Variants in ADCY1 observed in about 807,000 individuals in gnomAD.
ADCY1 encodes the protein adenylate cyclase type 1.
Under a neutral mutation model 105.4 loss-of-function variants are expected in ADCY1, and 28 were observed. The observed-to-expected ratio is 0.27, with a 90% CI of 0.20 to 0.36. The LOEUF (loss-of-function observed/expected upper bound fraction) is 0.36, where lower values mean the gene tolerates loss of function less well. Ranked by LOEUF, ADCY1 falls within the 10% of genes least tolerant of loss-of-function variation. The pLI is 1.00. For synonymous variants in ADCY1, 655 were observed against 623.8 expected, an observed-to-expected ratio of 1.05 and a Z score of -0.75; for missense variants, 977 against 1,434.2, an observed-to-expected ratio of 0.68 and a Z score of 5.15.
intron 3 of ADCY1, among the ~76,000 whole-genome samples, chr7:45,610,740 GGAGGTGATGATGGAGGTGTA>G (rs1793521031): frequency 5.3e-5 from 1 of 19,026 alleles, no homozygotes; most frequent in African/African-American, 1.7e-4. Flanking sequence ...GTGGAGGTGG[GGAGGTGATGATGGAGGTGTA>G]GAGGTGATAG....
intron 3 of ADCY1, among the ~76,000 whole-genome samples, chr7:45,613,278 AC>A (rs1277562091): frequency 6.6e-6 from 1 of 152,200 alleles, no homozygotes; most frequent in African/African-American, 2.4e-5. Flanking sequence ...GCTGAAGACC[AC>A]AATTACTGAA....
intron 4 of ADCY1, among the ~76,000 whole-genome samples, chr7:45,630,874 T>C (rs1330417693): frequency 2.0e-5 from 3 of 152,210 alleles, no homozygotes; most frequent in Admixed American, 2.0e-4. Flanking sequence ...TCCAGAAATT[T>C]GACTGTGGGT....
intron 8 of ADCY1, among the ~76,000 whole-genome samples, chr7:45,663,982 T>C (rs1010035416): frequency 2.7e-5 from 4 of 150,492 alleles, no homozygotes; most frequent in Non-Finnish European, 5.9e-5. Context: ...AGGAGGGGAG[T>C]GAGGGTCAGT....
rs1050383284 is a variant in ADCY1, at chr7:45,703,454, G to A, written c.2533G>A (p.Val845Ile). 3 of 1,614,098 alleles carry A rather than the reference G, an allele frequency of 1.9e-6. No individual in the cohort carries two copies. Among genetic ancestry groups the A allele is most frequent in the South Asian group, 1.1e-5 (1 of 91,080 alleles). Reference protein sequence around the residue: ...RILFNLLPAHVAQHFLMSNPR... With the variant: ...RILFNLLPAHIAQHFLMSNPR... Reference sequence around the variant, plus strand: ...CCTCTTCAACCTCCTGCCGGCCCACGTCGCCCAGCACTTCCTCATGTCCAA... The same window carrying A: ...CCTCTTCAACCTCCTGCCGGCCCACATCGCCCAGCACTTCCTCATGTCCAA... Residue 845 changes from valine (V) to isoleucine (I), a missense_variant, in exon 15 of 20, where the codon GTC becomes ATC. This residue lies in a region of ADCY1 where 152 missense variants were observed against 293.7 expected (regional missense o/e 0.52). Coordinates refer to ENST00000297323, the MANE Select transcript of ADCY1 (RefSeq NM_021116.4). This position sits in a 1 kb window ranked among gnomAD's most constrained non-coding sequence, Gnocchi z 5.9.
chr7:45,713,946 A>G lies in ADCY1; in HGVS notation c.3311A>G (p.His1104Arg). The G allele has an allele frequency of 1.3e-6, 1 of 779,994 alleles. No individual in the cohort carries two copies. Among genetic ancestry groups the G allele is most frequent in the Non-Finnish European group, 2.4e-6 (1 of 418,022 alleles). 48.3% of individuals were successfully genotyped at this position (779,994 alleles called of 1,614,324 possible). A position where few individuals can be genotyped will look rare whatever the true frequency, so the allele number is the denominator to read the frequency against. Residue 1104 changes from histidine (H) to arginine (R), a missense_variant, in exon 20 of 20, where the codon CAC (histidine) becomes CGC (arginine). Coordinates refer to ENST00000297323, the MANE Select transcript of ADCY1 (RefSeq NM_021116.4). The stretch of plus-strand genomic sequence containing the variant: ...TCAGTCAGGGCTGGGCTCCCTCCAC[A>G]CTCCCCAGGCCAGTACCTGCCCTCT... ...GVSVRAGLPP[H>R]SPGQYLPSAA...
At chr7:45,692,332 G>A (rs1784799543) in intron 14 of ADCY1, among the ~76,000 whole-genome samples, 1 of 152,210 alleles carries the variant, frequency 6.6e-6, no homozygotes. Context: ...CTAATCCTGT[G>A]CTGGGGACGC....
Position 45,574,432 on chromosome 7 carries a change from C to CCCCGGCGCCTCGCCG in ADCY1, c.-107_-93dup, listed in dbSNP as rs1317501959. 1.3e-4 allele frequency: 19 copies of CCCCGGCGCCTCGCCG among 147,598 alleles called. No homozygotes were observed. The highest frequency in any genetic ancestry group is 4.5e-4 in the African/African-American group (18 of 40,392). 9.1% of individuals were successfully genotyped at this position (147,598 alleles called of 1,614,324 possible). ...AACTCCGCCCGCCCCGCGCCCCGCG[C>CCCCGGCGCCTCGCCG]CCCGGCGCCTCGCCGCCCGCCGCCC... On this transcript the variant is annotated 5_prime_UTR_variant, in exon 1 of 20. Transcript: ENST00000297323. The surrounding 1 kb of genome is among the most constrained non-coding windows in gnomAD (Gnocchi z 7.0).
intron 4 of ADCY1, among the ~76,000 whole-genome samples, chr7:45,646,068 G>C (rs1237311175): frequency 6.6e-6 from 1 of 152,084 alleles, no homozygotes; most frequent in Non-Finnish European, 1.5e-5. Flanking sequence ...GGCAAGCCCT[G>C]TGCATTCAGG....
chr7:45,712,672 T>C (rs1562736512), intron 19 of ADCY1, among the ~76,000 whole-genome samples: 2 of 152,066 alleles, frequency 1.3e-5, no homozygotes, highest in Non-Finnish European at 2.9e-5. Context: ...TAACAAACGA[T>C]GCCAGGGTTT....
chr7:45,703,814 C>T lies in ADCY1; in HGVS notation c.2718+68C>T, dbSNP rs573540779. 4.1e-5 allele frequency: 62 copies of T among 1,502,394 alleles called. No individual in the cohort carries two copies. In the South Asian group the frequency reaches 4.3e-4, roughly 10 times the overall value. 93.1% of individuals were successfully genotyped at this position (1,502,394 alleles called of 1,614,324 possible). A position where few individuals can be genotyped will look rare whatever the true frequency, so the allele number is the denominator to read the frequency against. On this transcript the variant is annotated intron_variant, in intron 16 of 19. Coordinates refer to ENST00000297323, the MANE Select transcript of ADCY1 (RefSeq NM_021116.4). The surrounding 1 kb of genome is among the most constrained non-coding windows in gnomAD (Gnocchi z 5.9). ...GGTGCATCCTGTTGCGTGGGCAGAG[C>T]GTGTCTCACAATATGTCACATTCTT...
intron 5 of ADCY1, among the ~76,000 whole-genome samples, chr7:45,650,166 A>G (rs1447266727): frequency 1.3e-5 from 2 of 152,202 alleles, no homozygotes; most frequent in Non-Finnish European, 2.9e-5. Context: ...TGTATATCAT[A>G]TGTCATATGT....
chr7:45,691,105 C>A (rs1364196927), intron 14 of ADCY1, among the ~76,000 whole-genome samples: 1 of 152,188 alleles, frequency 6.6e-6, no homozygotes, highest in Non-Finnish European at 1.5e-5. Context: ...ATGGCTTTTT[C>A]TTGGCTTTGT....
chr7:45,610,874 A>G (rs1793551374), intron 3 of ADCY1, among the ~76,000 whole-genome samples: 2 of 103,332 alleles, frequency 1.9e-5, no homozygotes, highest in African/African-American at 3.8e-5. Context: ...ATGATGGTGG[A>G]GGTGGGAAGG....
At chr7:45,673,609 G>T (rs566673312) in intron 8 of ADCY1, among the ~76,000 whole-genome samples, 7 of 152,126 alleles carry the variant, frequency 4.6e-5, no homozygotes, top group African/African-American at 1.2e-4. Context: ...TGCAGAGTAT[G>T]TAGTAAAATT....
chr7:45,674,018 G>GT lies in ADCY1; in HGVS notation c.1606-3837dup, dbSNP rs1307318080. Reference sequence around the variant, plus strand: ...ATATATATATATATATGTTTTTGTTGTTTTTTTTTTTTTTCCTTGAGACTT... The same window carrying GT: ...ATATATATATATATATGTTTTTGTTGTTTTTTTTTTTTTTTCCTTGAGACTT... On this transcript the variant is annotated intron_variant, in intron 8 of 19. Transcript: ENST00000297323. Among the ~76,000 whole-genome samples, 276 of 80,656 alleles carry GT rather than the reference G, an allele frequency of 3.4e-3. 1 individual carries two copies. The highest frequency in any genetic ancestry group is 9.0e-3 in the African/African-American group (161 of 17,948). The allele number at this position is 80,656 out of a possible 152,430, so 52.9% of individuals were successfully genotyped here.
intron 7 of ADCY1, among the ~76,000 whole-genome samples, chr7:45,661,350 G>A (rs1257909026): frequency 6.6e-6 from 1 of 152,072 alleles, no homozygotes; most frequent in Non-Finnish European, 1.5e-5. Context: ...CAGAGAAAGT[G>A]AAGTTGAGAG....
At chr7:45,709,532 G>T (rs1482923181) in intron 18 of ADCY1, among the ~76,000 whole-genome samples, 1 of 152,140 alleles carries the variant, frequency 6.6e-6, no homozygotes, top group Non-Finnish European at 1.5e-5. Context: ...GGTCCTTTGG[G>T]GTTCTTCTCT....
At chr7:45,601,214 G>T (rs1020556137) in intron 2 of ADCY1, among the ~76,000 whole-genome samples, 8 of 152,130 alleles carry the variant, frequency 5.3e-5, no homozygotes, top group African/African-American at 9.7e-5. Flanking sequence ...CTGGGCTGGG[G>T]GGACGGTCCC....
rs1045049190 is a variant in ADCY1 at position 45,657,834 on chromosome 7, G to A, written c.1256G>A (p.Trp419Ter). ...TTGCGCAAGTGGCAGTACGACGTGT[G>A]GTCCAATGATGTGACCTTGGCCAAT... ...LGLRKWQYDV[W>*]SNDVTLANVM... is the part of the protein sequence containing the mutation. Residue 419 changes from tryptophan to a stop codon, truncating the protein, a stop_gained, in exon 6 of 20, where the codon TGG becomes TAG. Transcript: ENST00000297323. LOFTEE classifies it high-confidence loss of function. 6.2e-7 allele frequency: 1 copy of A among 1,613,784 alleles called. No homozygotes were observed. Among genetic ancestry groups the A allele is most frequent in the Non-Finnish European group, 8.5e-7 (1 of 1,179,902 alleles).
Sources: gnomAD v4.1 joint callset for allele counts (sites outside exome capture counted in the v4.1 genomes callset) on GRCh38, gnomAD v4.1.1 for gene constraint, gnomAD v4.1.1 regional missense constraint, Gnocchi (gnomAD v3.1) non-coding constraint, MANE v1.5 for transcripts, NCBI Gene and HGNC (gene_info 2026-07-23, HGNC 2026-07-21) for gene names.